The following ACACA variants were observed in gnomAD, a reference collection of about 807,000 sequenced individuals.
ACACA encodes acetyl-CoA carboxylase alpha.
ACACA carries 103 observed loss-of-function variants against 296.1 expected under a neutral mutation model. The observed-to-expected ratio is 0.35, with a 90% CI of 0.30 to 0.41. The LOEUF is 0.41. Ranked by LOEUF, ACACA falls within the 10% of genes least tolerant of loss-of-function variation. ACACA has a pLI of 1.00. For missense variants in ACACA, 1,554 were observed against 2,989.7 expected (o/e 0.52, Z 11.20); for synonymous variants, 953 against 1,038.6 (o/e 0.92, Z 1.58).
At chr17:37,390,236 AAT>A (rs1462644729) in intron 1 of ACACA, among the ~76,000 whole-genome samples, 2 of 50,042 alleles carry the variant, frequency 4.0e-5, no homozygotes, top group South Asian at 1.1e-3. Flanking sequence ...AATTATATAT[AAT>A]ATATTATATA....
chr17:37,175,023 T>A (rs562733255), intron 41 of ACACA, among the ~76,000 whole-genome samples: 1 of 152,272 alleles, frequency 6.6e-6, no homozygotes, highest in East Asian at 1.9e-4. Flanking sequence ...TGAGACAGAA[T>A]GTTAAAAAGC....
At chr17:37,340,306 T>C (rs574300260) in intron 1 of ACACA, among the ~76,000 whole-genome samples, 4 of 152,328 alleles carry the variant, frequency 2.6e-5, no homozygotes, top group African/African-American at 7.2e-5. Flanking sequence ...ACTAAGTCCC[T>C]AAACTGTAAG....
At chr17:37,124,653 C>A (rs891922762) in intron 48 of ACACA, among the ~76,000 whole-genome samples, 1 of 152,120 alleles carries the variant, frequency 6.6e-6, no homozygotes, top group African/African-American at 2.4e-5. Flanking sequence ...GACTGAGAAG[C>A]CTGGGGTGAG....
intron 1 of ACACA, among the ~76,000 whole-genome samples, chr17:37,342,499 T>A (rs1194465524): frequency 2.1e-5 from 3 of 142,952 alleles, no homozygotes; most frequent in Non-Finnish European, 4.5e-5. Flanking sequence ...ATATGTATTT[T>A]AAATACATAT....
intron 10 of ACACA, among the ~76,000 whole-genome samples, chr17:37,268,737 C>A (rs935634996): frequency 0.033 from 2,301 of 70,152 alleles, 37 homozygotes; most frequent in East Asian, 0.089. Context: ...ATCTATCTAT[C>A]TATCTATATA....
intron 3 of ACACA, among the ~76,000 whole-genome samples, chr17:37,304,973 T>A (rs2083803709): frequency 6.6e-6 from 1 of 152,114 alleles, no homozygotes; most frequent in Admixed American, 6.5e-5. Context: ...TTTTTAAAAA[T>A]TATTTAAACA....
intron 3 of ACACA, among the ~76,000 whole-genome samples, chr17:37,306,301 A>C (rs984959035): frequency 6.6e-6 from 1 of 152,120 alleles, no homozygotes; most frequent in Non-Finnish European, 1.5e-5. Context: ...CAAGTTTGTC[A>C]ATCTTCATAA....
At chr17:37,327,559 A>G (rs1357113033) in intron 3 of ACACA, among the ~76,000 whole-genome samples, 2 of 152,222 alleles carry the variant, frequency 1.3e-5, no homozygotes, top group African/African-American at 4.8e-5. Context: ...TAGACTTTGC[A>G]TAAGAACCAT....
At chr17:37,386,166 T>A (rs2050520653) in intron 1 of ACACA, 2 of 1,310,496 alleles carry the variant, frequency 1.5e-6, no homozygotes, top group Admixed American at 2.2e-5. Context: ...ACAGAATAAG[T>A]AGGAGTAAAA....
intron 3 of ACACA, among the ~76,000 whole-genome samples, chr17:37,323,820 G>A (rs1487811104): frequency 2.0e-5 from 3 of 152,200 alleles, no homozygotes; most frequent in African/African-American, 4.8e-5. Context: ...GATAGCATGC[G>A]GTGAATTTTA....
At chr17:37,356,034 G>A (rs1469736678) in intron 1 of ACACA, among the ~76,000 whole-genome samples, 2 of 151,994 alleles carry the variant, frequency 1.3e-5, no homozygotes, top group East Asian at 1.9e-4. Flanking sequence ...GCCGGGCATG[G>A]TGGCGCACAC....
chr17:37,289,610 C>T, intron 3 of ACACA: 1 of 707,490 alleles, frequency 1.4e-6, no homozygotes, highest in South Asian at 1.3e-5. Flanking sequence ...ACCCCATATA[C>T]ATTTAGATAC....
At chr17:37,277,855 T>C (rs1205237352) in intron 6 of ACACA, 41 bp downstream of exon 6, 1 of 1,479,110 alleles carries the variant, frequency 6.8e-7, no homozygotes, top group East Asian at 2.3e-5. Context: ...AACTATAAAA[T>C]GGCTGAATTT....
Position 37,155,675 on chromosome 17 carries a change from ATACC to A in ACACA, c.5447+4_5447+7del. On this transcript the variant is annotated splice_donor_5th_base_variant and intron_variant, in intron 43 of 55. Transcript: ENST00000616317. ...ATGACCAAATTATTCCAATACATATATACCTACCTGGATTCTCCTTCATCTTCCA... is the reference window on the plus strand; with the variant it reads ...ATGACCAAATTATTCCAATACATATATACCTGGATTCTCCTTCATCTTCCA... The A allele has an allele frequency of 6.3e-7, 1 of 1,580,934 alleles. No individual in the cohort carries two copies. The highest frequency in any genetic ancestry group is 8.7e-7 in the Non-Finnish European group (1 of 1,152,540).
intron 41 of ACACA, among the ~76,000 whole-genome samples, chr17:37,177,169 C>T (rs1334430545): frequency 2.0e-5 from 3 of 151,854 alleles, no homozygotes; most frequent in African/African-American, 7.3e-5. Context: ...TACTACTAGT[C>T]ATAGCTATAG....
At chr17:37,177,269 CGT>C (rs112439511) in intron 41 of ACACA, among the ~76,000 whole-genome samples, 18,107 of 146,190 alleles carry the variant, frequency 0.12, 1,212 homozygotes, top group East Asian at 0.34. Flanking sequence ...TTAAAAAATT[CGT>C]GTGTGTGTGT....
intron 1 of ACACA, among the ~76,000 whole-genome samples, chr17:37,382,744 T>C (rs749069816): frequency 6.6e-5 from 10 of 152,124 alleles, no homozygotes; most frequent in Middle Eastern, 3.4e-3. Context: ...CCTGTAGTCC[T>C]AGCTACTCAG....
In ACACA at chr17:37,258,388, AAC is replaced by A; in HGVS notation, c.1501-17_1501-16del. 1 of 1,613,352 alleles carries A rather than the reference AAC, an allele frequency of 6.2e-7. No homozygotes were observed. Among genetic ancestry groups the A allele is most frequent in the Non-Finnish European group, 8.5e-7 (1 of 1,179,308 alleles). ...CCCATGGCAATCTGAAAGGTAATAA[AAC>A]ACACATCTTTAATTTTTCAGTTACT... On this transcript the variant is annotated splice_polypyrimidine_tract_variant and intron_variant, in intron 12 of 55. Coordinates refer to ENST00000616317, the MANE Select transcript of ACACA (RefSeq NM_198834.3).
At chr17:37,233,353 C>G (rs750007554) in intron 25 of ACACA, among the ~76,000 whole-genome samples, 1 of 152,156 alleles carries the variant, frequency 6.6e-6, no homozygotes, top group Non-Finnish European at 1.5e-5. Flanking sequence ...TTAAGGCAAG[C>G]GTTACTTACA....
Sources: gnomAD v4.1 joint callset for allele counts (sites outside exome capture counted in the v4.1 genomes callset) on GRCh38, gnomAD v4.1.1 for gene constraint, MANE v1.5 for transcripts, NCBI Gene and HGNC (gene_info 2026-07-23, HGNC 2026-07-21) for gene names.